Variants in TAMM41 observed in about 807,000 individuals in gnomAD.
TAMM41 encodes the protein phosphatidate cytidylyltransferase, mitochondrial.
TAMM41 carries 36 observed loss-of-function variants against 44.1 expected under a neutral mutation model. That is an observed-to-expected ratio of 0.82 (90% CI 0.63 to 1.08). The LOEUF is 1.08. Ranked by LOEUF, TAMM41 falls within the 50% of genes least tolerant of loss-of-function variation. The pLI, the probability that TAMM41 is intolerant of heterozygous loss-of-function variation, is 0.00. For missense variants in TAMM41, 417 were observed against 404.3 expected, an observed-to-expected ratio of 1.03 and a Z score of -0.27; for synonymous variants, 164 against 153.1, an observed-to-expected ratio of 1.07 and a Z score of -0.53.
At chr3:11,842,308 C>T (rs1203363930) in intron 2 of TAMM41, among the ~76,000 whole-genome samples, 4 of 148,942 alleles carry the variant, frequency 2.7e-5, no homozygotes, top group African/African-American at 9.9e-5. Context: ...GCAGGAGAAT[C>T]GCTTGAACCT....
the TAMM41 span, among the ~76,000 whole-genome samples, chr3:11,749,966 G>C: frequency 4.0e-5 from 6 of 149,018 alleles, no homozygotes; most frequent in Non-Finnish European, 8.9e-5. Context: ...GGCACGATCT[G>C]GGCTCACTGC....
chr3:11,842,941 C>G (rs2079516394), intron 2 of TAMM41, among the ~76,000 whole-genome samples: 1 of 152,172 alleles, frequency 6.6e-6, no homozygotes, highest in South Asian at 2.1e-4. Context: ...CTGCCTAGGT[C>G]TTGACAGCTC....
chr3:11,843,988 A>T lies in TAMM41; in HGVS notation c.318+41T>A, dbSNP rs370629852. Reference sequence around the variant, plus strand: ...AGCTGGCACTCTAATAACCCAGGTAAATAACCAGCCAAGTTAAGACAAAGG... The same window carrying T: ...AGCTGGCACTCTAATAACCCAGGTATATAACCAGCCAAGTTAAGACAAAGG... On this transcript the variant is annotated intron_variant, in intron 2 of 7. Coordinates refer to ENST00000455809, the MANE Select transcript of TAMM41 (RefSeq NM_001284401.2). The T allele has an allele frequency of 5.9e-5, 94 of 1,598,390 alleles. 2 individuals carry two copies. In the South Asian group the frequency reaches 1.0e-3, roughly 17 times the overall value.
intron 7 of TAMM41, among the ~76,000 whole-genome samples, chr3:11,791,108 T>G (rs2077468044): frequency 6.6e-6 from 1 of 152,192 alleles, no homozygotes; most frequent in Admixed American, 6.5e-5. Flanking sequence ...ACAGCATCTG[T>G]GCTCACTCAA....
chr3:11,832,979 G>C, intron 3 of TAMM41: 1 of 1,021,248 alleles, frequency 9.8e-7, no homozygotes, highest in Non-Finnish European at 1.2e-6. Flanking sequence ...AAGATTAAGA[G>C]GATGAAAATA....
chr3:11,725,412 TTC>T, the TAMM41 span, among the ~76,000 whole-genome samples: 6 of 108,416 alleles, frequency 5.5e-5, no homozygotes, highest in South Asian at 3.4e-4. Context: ...CCTCTTCTTC[TTC>T]TTCTTCTTCT....
the TAMM41 span, among the ~76,000 whole-genome samples, chr3:11,749,080 T>G: frequency 4.6e-5 from 7 of 151,758 alleles, no homozygotes; most frequent in Admixed American, 3.9e-4. Flanking sequence ...ACCTGGCTAA[T>G]TTTTGTATTT....
the TAMM41 span, among the ~76,000 whole-genome samples, chr3:11,747,056 G>A: frequency 7.2e-5 from 11 of 152,108 alleles, no homozygotes; most frequent in South Asian, 6.2e-4. Flanking sequence ...CTACAAAGAC[G>A]TGTGGTAGAA....
the TAMM41 span, among the ~76,000 whole-genome samples, chr3:11,767,396 TG>T: frequency 6.6e-6 from 1 of 152,064 alleles, no homozygotes; most frequent in Non-Finnish European, 1.5e-5. Context: ...TCTACTATCT[TG>T]CTATTATGAA....
the TAMM41 span, among the ~76,000 whole-genome samples, chr3:11,772,461 G>A: frequency 6.6e-6 from 1 of 152,114 alleles, no homozygotes; most frequent in South Asian, 2.1e-4. Flanking sequence ...GTATCTAGCT[G>A]TTTCGGAGTT....
intron 7 of TAMM41, among the ~76,000 whole-genome samples, chr3:11,801,193 A>C (rs894366083): frequency 6.6e-6 from 1 of 152,224 alleles, no homozygotes; most frequent in African/African-American, 2.4e-5. Context: ...TTAAAAAATC[A>C]AAATCAAGTA....
intron 5 of TAMM41, among the ~76,000 whole-genome samples, chr3:11,814,807 A>G (rs1204667892): frequency 1.3e-5 from 2 of 152,178 alleles, no homozygotes; most frequent in African/African-American, 4.8e-5. Context: ...CTAAAAACAC[A>G]AAAACCAGCC....
chr3:11,771,874 C>T, the TAMM41 span, among the ~76,000 whole-genome samples: 12 of 152,074 alleles, frequency 7.9e-5, no homozygotes, highest in East Asian at 1.6e-3. Context: ...TGAGCCACCA[C>T]GCCCGGCCTG....
the TAMM41 span, among the ~76,000 whole-genome samples, chr3:11,729,303 A>C: frequency 6.6e-6 from 1 of 152,046 alleles, no homozygotes; most frequent in Non-Finnish European, 1.5e-5. Context: ...GGGAAATAAA[A>C]GCCTTTTTCA....
intron 4 of TAMM41, among the ~76,000 whole-genome samples, chr3:11,826,508 G>A (rs564663337): frequency 8.5e-5 from 10 of 117,240 alleles, no homozygotes; most frequent in African/African-American, 2.1e-4. Flanking sequence ...TAGCTTGGGC[G>A]ACAGAGTGAG....
chr3:11,763,518 G>C, the TAMM41 span, among the ~76,000 whole-genome samples: 2 of 152,118 alleles, frequency 1.3e-5, no homozygotes, highest in Non-Finnish European at 2.9e-5. Flanking sequence ...GAGTGATCTG[G>C]AATTTTACTT....
chr3:11,723,900 G>C, the TAMM41 span, among the ~76,000 whole-genome samples: 1 of 151,894 alleles, frequency 6.6e-6, no homozygotes, highest in East Asian at 1.9e-4. Flanking sequence ...GGGGGTGACT[G>C]AGTGGAGGTA....
At chr3:11,732,353 T>C in the TAMM41 span, among the ~76,000 whole-genome samples, 1 of 152,016 alleles carries the variant, frequency 6.6e-6, no homozygotes, top group South Asian at 2.1e-4. Context: ...CCTTCCTTCC[T>C]TCTGTCTAGA....
the TAMM41 span, among the ~76,000 whole-genome samples, chr3:11,731,789 C>T: frequency 2.6e-5 from 4 of 152,090 alleles, no homozygotes; most frequent in Admixed American, 6.5e-5. Context: ...CCAGCTTCCA[C>T]GTGTCTCCCC....
Sources: allele counts gnomAD v4.1 joint callset (sites outside exome capture counted in the v4.1 genomes callset), GRCh38; gene constraint gnomAD v4.1.1; transcripts MANE v1.5; gene names NCBI Gene and HGNC (gene_info 2026-07-23, HGNC 2026-07-21).